The following LRMDA variants were observed in gnomAD, a reference collection of about 807,000 sequenced individuals.
LRMDA encodes leucine-rich melanocyte differentiation-associated protein.
In LRMDA, 18 loss-of-function variants were observed where a neutral mutation model predicts 29.8. The ratio of observed to expected loss-of-function variants is 0.60; its 90% confidence interval spans 0.42 to 0.90. The LOEUF is 0.90. LRMDA is among the 40% of genes least tolerant of loss of function. The pLI is 0.00. For missense variants in LRMDA, 273 were observed against 273.9 expected (o/e 1.00, Z 0.02); for synonymous variants, 125 against 109.4 (o/e 1.14, Z -0.89).
intron 5 of LRMDA, among the ~76,000 whole-genome samples, chr10:76,232,198 G>A (rs1319809887): frequency 6.6e-6 from 1 of 152,138 alleles, no homozygotes; most frequent in East Asian, 1.9e-4. Context: ...CAGACACCAA[G>A]ATATTACAAA....
At chr10:76,204,634 T>C (rs951580919) in intron 5 of LRMDA, among the ~76,000 whole-genome samples, 3 of 152,158 alleles carry the variant, frequency 2.0e-5, no homozygotes, top group Non-Finnish European at 4.4e-5. Context: ...CAATTGTAGG[T>C]CCAGGGCTCT....
At chr10:75,777,482 G>C (rs1843328087) in intron 2 of LRMDA, among the ~76,000 whole-genome samples, 1 of 152,230 alleles carries the variant, frequency 6.6e-6, no homozygotes, top group Non-Finnish European at 1.5e-5. Flanking sequence ...CATGGCATCT[G>C]TGCCTGGCAG....
At chr10:76,513,076 C>A (rs1843024506) in intron 6 of LRMDA, among the ~76,000 whole-genome samples, 1 of 152,098 alleles carries the variant, frequency 6.6e-6, no homozygotes. Context: ...AGTATGGTAA[C>A]TCTTTATTAC....
At chr10:75,489,665 G>T (rs904076907) in intron 2 of LRMDA, among the ~76,000 whole-genome samples, 33 of 152,160 alleles carry the variant, frequency 2.2e-4, no homozygotes, top group African/African-American at 7.7e-4. Flanking sequence ...TTTACTCCTT[G>T]GTTCCTCTCC....
chr10:75,880,523 C>G (rs1410883646), intron 2 of LRMDA, among the ~76,000 whole-genome samples: 1 of 152,176 alleles, frequency 6.6e-6, no homozygotes, highest in Non-Finnish European at 1.5e-5. Context: ...GTGAGATGAA[C>G]AAATTGGGAT....
intron 2 of LRMDA, among the ~76,000 whole-genome samples, chr10:75,906,880 G>A (rs1316557468): frequency 6.6e-6 from 1 of 151,970 alleles, no homozygotes; most frequent in Admixed American, 6.6e-5. Context: ...GGGGTGCAAG[G>A]TTGAACAGGT....
chr10:75,917,402 C>A (rs1845952169), intron 2 of LRMDA, among the ~76,000 whole-genome samples: 1 of 152,214 alleles, frequency 6.6e-6, no homozygotes, highest in Non-Finnish European at 1.5e-5. Context: ...CGACTCCATG[C>A]TGTCCCCAGG....
At chr10:76,179,589 A>T (rs1302077033) in intron 5 of LRMDA, among the ~76,000 whole-genome samples, 1 of 152,232 alleles carries the variant, frequency 6.6e-6, no homozygotes, top group African/African-American at 2.4e-5. Flanking sequence ...TCAAGGGATT[A>T]TAAAGACCAT....
chr10:75,452,514 G>A (rs949361186), intron 2 of LRMDA, among the ~76,000 whole-genome samples: 2 of 148,726 alleles, frequency 1.3e-5, no homozygotes, highest in South Asian at 2.1e-4. Flanking sequence ...TTTTTGGATC[G>A]GGTTTTAAAG....
rs1407740 is a variant in LRMDA, at chr10:75,842,756, G to A, written c.132-193252G>A. ...AAAGAGGTGGAAAAGGGTGGGGCAT[G>A]GTGTCTGACACCTATAATGCCAGCA... On this transcript the variant is annotated intron_variant, in intron 2 of 6. Transcript: ENST00000611255. Among the ~76,000 whole-genome samples the A allele has an allele frequency of 3.4e-3, 510 of 152,182 alleles. 6 individuals carry two copies. The highest frequency in any genetic ancestry group is 0.011 in the African/African-American group (475 of 41,522).
intron 2 of LRMDA, among the ~76,000 whole-genome samples, chr10:75,673,694 A>G (rs1841927799): frequency 6.6e-6 from 1 of 152,182 alleles, no homozygotes; most frequent in East Asian, 1.9e-4. Flanking sequence ...TGGGTGTAGA[A>G]TATTTTTTCT....
At chr10:75,445,490 C>T (rs1033747938) in intron 2 of LRMDA, among the ~76,000 whole-genome samples, 1 of 152,178 alleles carries the variant, frequency 6.6e-6, no homozygotes, top group African/African-American at 2.4e-5. Flanking sequence ...TTTGAATGTC[C>T]ATGGTCCCAA....
intron 2 of LRMDA, among the ~76,000 whole-genome samples, chr10:75,686,282 G>A (rs768855256): frequency 1.8e-4 from 27 of 152,116 alleles, no homozygotes; most frequent in Non-Finnish European, 3.4e-4. Context: ...TGGTGAGGCC[G>A]GGAATCTACC....
At chr10:75,594,583 C>T (rs1840763296) in intron 2 of LRMDA, among the ~76,000 whole-genome samples, 2 of 152,176 alleles carry the variant, frequency 1.3e-5, no homozygotes, top group South Asian at 4.1e-4. Flanking sequence ...TGAGCAAACT[C>T]TCAATGGGCC....
chr10:75,571,986 G>A lies in LRMDA; in HGVS notation c.131+133492G>A, dbSNP rs142161274. ...TATTATTATTTTGAAATGGAGTCTC[G>A]CTCTGTCACCAGGCTGGAGTGCAGT... On this transcript the variant is annotated intron_variant, in intron 2 of 6. Transcript: ENST00000611255. Among the ~76,000 whole-genome samples the A allele has an allele frequency of 2.0e-4, 30 of 152,046 alleles. No individual in the cohort carries two copies. In the South Asian group the frequency reaches 4.6e-3, roughly 23 times the overall value.
chr10:76,547,375 C>T (rs888010051), intron 6 of LRMDA, among the ~76,000 whole-genome samples: 1 of 152,162 alleles, frequency 6.6e-6, no homozygotes, highest in African/African-American at 2.4e-5. Context: ...CTGATAGCCC[C>T]ATTCCTGAAA....
chr10:76,319,710 G>A (rs1840744935), intron 5 of LRMDA, among the ~76,000 whole-genome samples: 1 of 151,932 alleles, frequency 6.6e-6, no homozygotes, highest in Non-Finnish European at 1.5e-5. Flanking sequence ...TGGTTTCAGG[G>A]GATGAATTGT....
intron 2 of LRMDA, among the ~76,000 whole-genome samples, chr10:75,834,172 A>T (rs1844393835): frequency 6.6e-6 from 1 of 152,166 alleles, no homozygotes; most frequent in South Asian, 2.1e-4. Context: ...CTAGTATAAC[A>T]TTCTCAAAAA....
intron 6 of LRMDA, among the ~76,000 whole-genome samples, chr10:76,475,403 T>A (rs1254825387): frequency 6.6e-6 from 1 of 151,932 alleles, no homozygotes; most frequent in Non-Finnish European, 1.5e-5. Flanking sequence ...ATAAAGCAAG[T>A]CCTTAGAGAC....
Sources: allele counts gnomAD v4.1 joint callset (sites outside exome capture counted in the v4.1 genomes callset), GRCh38; gene constraint gnomAD v4.1.1; transcripts MANE v1.5; gene names NCBI Gene and HGNC (gene_info 2026-07-23, HGNC 2026-07-21).